Variants in DIAPH2 observed in about 807,000 individuals in gnomAD.
DIAPH2 encodes protein diaphanous homolog 2.
A neutral mutation model predicts 92.7 loss-of-function variants in DIAPH2; 35 were observed. The observed-to-expected ratio is 0.38, with a 90% CI of 0.29 to 0.50. The LOEUF is 0.50. DIAPH2 is among the 20% of genes least tolerant of loss of function. DIAPH2 has a pLI of 0.94. For missense variants in DIAPH2, 701 were observed against 819.5 expected (o/e 0.86, Z 1.77); for synonymous variants, 301 against 280.4 (o/e 1.07, Z -0.73).
Position 96,927,227 on chromosome X carries a change from TTTATG to T in DIAPH2, c.979-3503_979-3499del, listed in dbSNP as rs747756803. ...TAAATAGCATATTGGACCAGAGTAT[TTTATG>T]TTCTGTCTAGCTTTAAAATCTCATG... On this transcript the variant is annotated intron_variant, in intron 9 of 26. Transcript: ENST00000324765. Among the ~76,000 whole-genome samples the T allele has an allele frequency of 3.1e-3, 338 of 110,239 alleles. 2 individuals carry two copies. Among genetic ancestry groups the T allele is most frequent in the Non-Finnish European group, 5.2e-3 (273 of 52,686 alleles).
chrX:96,834,333 T>C (rs2064874181), intron 4 of DIAPH2, among the ~76,000 whole-genome samples: 1 of 111,943 alleles, frequency 8.9e-6, no homozygotes, highest in African/African-American at 3.2e-5. Flanking sequence ...GTCCCAAGCA[T>C]TTCTAACAGG....
chrX:97,092,643 G>A (rs1447077730), intron 19 of DIAPH2, among the ~76,000 whole-genome samples: 2 of 112,012 alleles, frequency 1.8e-5, no homozygotes, highest in Non-Finnish European at 3.8e-5. Context: ...CGATCATCAT[G>A]TATGGCAGTT....
chrX:96,897,030 T>C (rs764051304), intron 5 of DIAPH2, among the ~76,000 whole-genome samples: 115 of 111,824 alleles, frequency 1.0e-3, no homozygotes, highest in Non-Finnish European at 2.1e-3. Flanking sequence ...GAATATTCGT[T>C]GTATTTATGT....
chrX:96,756,174 A>AT (rs1193256712), intron 3 of DIAPH2, among the ~76,000 whole-genome samples: 53 of 108,694 alleles, frequency 4.9e-4, no homozygotes, highest in African/African-American at 8.7e-4. Context: ...CAAATTCATA[A>AT]TTTTTTTTTT....
chrX:97,486,689 C>T (rs957265795), intron 26 of DIAPH2, among the ~76,000 whole-genome samples: 1 of 111,807 alleles, frequency 8.9e-6, no homozygotes, highest in Non-Finnish European at 1.9e-5. Flanking sequence ...AGTAGGTAGT[C>T]ACTTGTTTAC....
intron 3 of DIAPH2, among the ~76,000 whole-genome samples, chrX:96,743,922 C>G (rs2064134414): frequency 9.0e-6 from 1 of 111,524 alleles, no homozygotes. Context: ...GTATATACTT[C>G]AAAACATTGT....
At chrX:97,580,179 G>T (rs2147879139) in intron 26 of DIAPH2, among the ~76,000 whole-genome samples, 1 of 103,873 alleles carries the variant, frequency 9.6e-6, no homozygotes, top group South Asian at 4.7e-4. Context: ...CTGCCTAATT[G>T]CCCTGGCCAG....
At chrX:97,556,211 C>G in intron 26 of DIAPH2, among the ~76,000 whole-genome samples, 1 of 111,789 alleles carries the variant, frequency 8.9e-6, no homozygotes, top group Admixed American at 9.5e-5. Context: ...AAGGGACTCT[C>G]TCTTATGCGG....
At chrX:97,258,437 G>T (rs1047100336) in intron 23 of DIAPH2, among the ~76,000 whole-genome samples, 1 of 110,700 alleles carries the variant, frequency 9.0e-6, no homozygotes, top group Non-Finnish European at 1.9e-5. Flanking sequence ...AGCCAGGCGC[G>T]TGGCACGCGC....
rs1299600855 is a variant in DIAPH2 at position 97,149,756 on chromosome X, T to G, written c.2719+7962T>G. On this transcript the variant is annotated intron_variant, in intron 22 of 26. Coordinates refer to ENST00000324765, the MANE Select transcript of DIAPH2 (RefSeq NM_006729.5). ...AAAAAAAAAAAAAAAAAAAAGGACTTCAAGTAACTTAAACAATTTTTGCTG... is the reference window on the plus strand; with the variant it reads ...AAAAAAAAAAAAAAAAAAAAGGACTGCAAGTAACTTAAACAATTTTTGCTG... 1.2e-4 allele frequency among the ~76,000 whole-genome samples: 6 copies of G among 49,917 alleles called. No homozygotes were observed. The Admixed American group carries it at 1.3e-3, about 11-fold the overall frequency. The allele number at this position is 49,917 out of a possible 115,157, so 43.3% of individuals were successfully genotyped here.
rs910221446 is a variant in DIAPH2, at chrX:96,905,265, G to T, written c.588-7063G>T. On this transcript the variant is annotated intron_variant, in intron 5 of 26. Transcript: ENST00000324765. ...CACTATTTTCTATTATATCTTCATT[G>T]TATATAGCATACTGAACTCATCTGT... 3.6e-5 allele frequency among the ~76,000 whole-genome samples: 4 copies of T among 111,600 alleles called. 1 individual carries two copies. Among genetic ancestry groups the T allele is most frequent in the South Asian group, 7.5e-4 (2 of 2,659 alleles).
intron 19 of DIAPH2, among the ~76,000 whole-genome samples, chrX:97,082,150 AC>A (rs1160152931): frequency 9.1e-6 from 1 of 110,030 alleles, no homozygotes; most frequent in Admixed American, 9.7e-5. Flanking sequence ...TTTTAGCAAA[AC>A]GTAAGTCTCA....
intron 23 of DIAPH2, among the ~76,000 whole-genome samples, chrX:97,296,510 C>A (rs1033400713): frequency 3.6e-5 from 4 of 111,651 alleles, no homozygotes; most frequent in African/African-American, 1.3e-4. Context: ...CTTGTTTTCC[C>A]TCTGAGATCT....
chrX:97,576,849 G>A (rs913002843), intron 26 of DIAPH2, among the ~76,000 whole-genome samples: 2 of 111,412 alleles, frequency 1.8e-5, no homozygotes, highest in Non-Finnish European at 3.8e-5. Flanking sequence ...CTGACAAAGG[G>A]AATCGTTTAG....
intron 25 of DIAPH2, among the ~76,000 whole-genome samples, chrX:97,416,218 C>T (rs2069944642): frequency 8.9e-6 from 1 of 112,041 alleles, no homozygotes; most frequent in South Asian, 3.7e-4. Context: ...ATGTAAATTA[C>T]AATATTGAGT....
intron 26 of DIAPH2, among the ~76,000 whole-genome samples, chrX:97,440,415 A>C (rs2070241792): frequency 9.1e-6 from 1 of 109,676 alleles, no homozygotes; most frequent in African/African-American, 3.3e-5. Flanking sequence ...AACATGGTGA[A>C]ACCCCGTCTC....
At chrX:97,574,995 A>G (rs1375404553) in intron 26 of DIAPH2, among the ~76,000 whole-genome samples, 2 of 112,537 alleles carry the variant, frequency 1.8e-5, no homozygotes, top group Non-Finnish European at 3.8e-5. Flanking sequence ...AGATGCAAAA[A>G]TGATTCAGGG....
chrX:97,286,131 C>T (rs1341466107), intron 23 of DIAPH2, among the ~76,000 whole-genome samples: 1 of 106,074 alleles, frequency 9.4e-6, no homozygotes, highest in South Asian at 4.4e-4. Context: ...ACTTCTGCCT[C>T]CCGGGTTCAA....
At chrX:97,596,735 G>A (rs1161007703) in intron 26 of DIAPH2, among the ~76,000 whole-genome samples, 2 of 111,687 alleles carry the variant, frequency 1.8e-5, no homozygotes, top group Non-Finnish European at 3.8e-5. Flanking sequence ...GACCTTATAA[G>A]GGCCAGGCCA....
Sources: allele counts gnomAD v4.1 joint callset (sites outside exome capture counted in the v4.1 genomes callset), GRCh38; gene constraint gnomAD v4.1.1; transcripts MANE v1.5; gene names NCBI Gene and HGNC (gene_info 2026-07-23, HGNC 2026-07-21).